Variants in TTC28 observed in about 807,000 individuals in gnomAD.
TTC28 encodes tetratricopeptide repeat protein 28.
TTC28 carries 61 observed loss-of-function variants against 198.0 expected under a neutral mutation model. That is an observed-to-expected ratio of 0.31 (90% CI 0.25 to 0.38). TTC28 has a LOEUF of 0.38. TTC28 is among the 10% of genes least tolerant of loss of function. The pLI is 1.00. For missense variants in TTC28, 2,678 were observed against 3,164.0 expected, an observed-to-expected ratio of 0.85 and a Z score of 3.69; for synonymous variants, 1,171 against 1,297.8, an observed-to-expected ratio of 0.90 and a Z score of 2.10.
intron 1 of TTC28, among the ~76,000 whole-genome samples, chr22:28,663,240 T>A (rs1358933954): frequency 2.4e-5 from 3 of 127,164 alleles, no homozygotes; most frequent in Non-Finnish European, 3.2e-5. Context: ...AGAGCGAAAC[T>A]CCGTCTCAAA....
chr22:28,647,652 A>G (rs905585349), intron 1 of TTC28, among the ~76,000 whole-genome samples: 1 of 151,790 alleles, frequency 6.6e-6, no homozygotes, highest in Non-Finnish European at 1.5e-5. Flanking sequence ...ATCCTGGCCA[A>G]CACGGTGAAA....
intron 3 of TTC28, among the ~76,000 whole-genome samples, chr22:28,302,718 G>A (rs554366167): frequency 3.3e-5 from 5 of 151,978 alleles, no homozygotes; most frequent in African/African-American, 1.2e-4. Flanking sequence ...TCTGTCACCC[G>A]GGCTGGTGTG....
chr22:28,042,317 C>T (rs188541319), intron 12 of TTC28, among the ~76,000 whole-genome samples: 3 of 151,152 alleles, frequency 2.0e-5, no homozygotes, highest in Non-Finnish European at 2.9e-5. Context: ...GTAGCAAAAA[C>T]TTGGAACCAA....
intron 2 of TTC28, among the ~76,000 whole-genome samples, chr22:28,383,751 G>A (rs2046531729): frequency 6.6e-6 from 1 of 151,980 alleles, no homozygotes; most frequent in African/African-American, 2.4e-5. Context: ...CATTTCTCTT[G>A]CCTAGATCAC....
intron 2 of TTC28, among the ~76,000 whole-genome samples, chr22:28,477,198 A>G (rs373557575): frequency 1.7e-4 from 26 of 152,132 alleles, no homozygotes; most frequent in East Asian, 5.8e-4. Flanking sequence ...TAGTGGTTAC[A>G]TGAGTATACA....
chr22:27,992,787 A>G (rs1218391676), intron 18 of TTC28, 124 bp from the exon 19 acceptor site: 2 of 874,202 alleles, frequency 2.3e-6, no homozygotes, highest in African/African-American at 3.4e-5. Flanking sequence ...AGCTCAGCAC[A>G]GCTAGACATG....
intron 2 of TTC28, among the ~76,000 whole-genome samples, chr22:28,518,782 C>G (rs184491718): frequency 2.0e-5 from 3 of 152,108 alleles, no homozygotes; most frequent in East Asian, 1.9e-4. Context: ...ATTCATCTAT[C>G]AATTACGAAA....
intron 2 of TTC28, among the ~76,000 whole-genome samples, chr22:28,386,396 T>C (rs1032555994): frequency 6.6e-6 from 1 of 150,936 alleles, no homozygotes; most frequent in Non-Finnish European, 1.5e-5. Flanking sequence ...TCCTGCTCTC[T>C]CATGATGGGC....
intron 2 of TTC28, among the ~76,000 whole-genome samples, chr22:28,491,557 G>C (rs1232163666): frequency 6.6e-6 from 1 of 152,202 alleles, no homozygotes; most frequent in Non-Finnish European, 1.5e-5. Flanking sequence ...AAACCACAAT[G>C]AGATACCATC....
At chr22:28,670,937 T>C (rs547163099) in intron 1 of TTC28, among the ~76,000 whole-genome samples, 117 of 152,232 alleles carry the variant, frequency 7.7e-4, no homozygotes, top group African/African-American at 2.7e-3. Flanking sequence ...TTTGATTGCA[T>C]GACTGATGAC....
intron 12 of TTC28, among the ~76,000 whole-genome samples, chr22:28,090,274 A>T: frequency 6.6e-6 from 1 of 152,186 alleles, no homozygotes; most frequent in East Asian, 1.9e-4. Flanking sequence ...TTCTTTTCAT[A>T]CCCATATTTT....
At chr22:28,604,297 T>TATATATATATATATATATATATA (rs1053139903) in intron 2 of TTC28, among the ~76,000 whole-genome samples, 67 of 114,006 alleles carry the variant, frequency 5.9e-4, no homozygotes, top group Admixed American at 9.8e-4. Context: ...AAAAAAAAAA[T>TATATATATATATATATATATATA]TATATATATA....
chr22:28,528,572 C>CAA (rs769217479), intron 2 of TTC28, among the ~76,000 whole-genome samples: 3 of 131,434 alleles, frequency 2.3e-5, no homozygotes, highest in Non-Finnish European at 3.3e-5. Flanking sequence ...AATAAAACTA[C>CAA]AAAAAAAAAA....
chr22:28,262,054 G>A (rs1232204359), intron 5 of TTC28, among the ~76,000 whole-genome samples: 1 of 152,124 alleles, frequency 6.6e-6, no homozygotes, highest in Non-Finnish European at 1.5e-5. Flanking sequence ...GGCTTTAAAT[G>A]TCTATCCTTT....
intron 1 of TTC28, among the ~76,000 whole-genome samples, chr22:28,675,459 T>C (rs1488407308): frequency 6.6e-6 from 1 of 152,110 alleles, no homozygotes; most frequent in Non-Finnish European, 1.5e-5. Flanking sequence ...GAGGACATTA[T>C]CAAAAGAGTA....
chr22:28,569,325 A>G (rs1195021617), intron 2 of TTC28, among the ~76,000 whole-genome samples: 1 of 152,096 alleles, frequency 6.6e-6, no homozygotes, highest in Non-Finnish European at 1.5e-5. Flanking sequence ...AAACAACATG[A>G]TATCAAACAA....
intron 6 of TTC28, among the ~76,000 whole-genome samples, chr22:28,111,114 T>A (rs1288974214): frequency 6.6e-6 from 1 of 152,126 alleles, no homozygotes; most frequent in Non-Finnish European, 1.5e-5. Flanking sequence ...AGAGCAGTAA[T>A]ATTTGGGTGG....
chr22:28,178,062 A>G (rs1569181201), intron 5 of TTC28, among the ~76,000 whole-genome samples: 1 of 152,162 alleles, frequency 6.6e-6, no homozygotes, highest in Non-Finnish European at 1.5e-5. Context: ...CTAATGCAGG[A>G]TATCAATAAC....
intron 2 of TTC28, among the ~76,000 whole-genome samples, chr22:28,606,094 T>G (rs886180090): frequency 1.0e-4 from 15 of 147,124 alleles, no homozygotes; most frequent in Middle Eastern, 3.6e-3. Context: ...TTTTTTTTTT[T>G]GTTTTTTGAG....
Sources: allele counts gnomAD v4.1 joint callset (sites outside exome capture counted in the v4.1 genomes callset), GRCh38; gene constraint gnomAD v4.1.1; transcripts MANE v1.5; gene names NCBI Gene and HGNC (gene_info 2026-07-23, HGNC 2026-07-21).